DPYSL3: variants seen among roughly 807,000 people sequenced by gnomAD.
DPYSL3 encodes dihydropyrimidinase like 3.
Under a neutral mutation model 66.1 loss-of-function variants are expected in DPYSL3, and 16 were observed. The observed-to-expected ratio is 0.24, with a 90% CI of 0.16 to 0.37. DPYSL3 has a LOEUF of 0.37. Among genes scored for constraint, DPYSL3 ranks in the 10% least tolerant of loss-of-function variants. The pLI is 1.00. For missense variants in DPYSL3, 738 were observed against 916.2 expected (o/e 0.81, Z 2.51); for synonymous variants, 338 against 345.1 (o/e 0.98, Z 0.23).
chr5:147,427,560 G>A (rs1752220144), intron 1 of DPYSL3, among the ~76,000 whole-genome samples: 1 of 152,136 alleles, frequency 6.6e-6, no homozygotes, highest in Non-Finnish European at 1.5e-5. Flanking sequence ...ATTATATGAG[G>A]CAGTCCTAGG....
At chr5:147,410,989 G>A (rs1280529621) in intron 6 of DPYSL3, among the ~76,000 whole-genome samples, 1 of 152,166 alleles carries the variant, frequency 6.6e-6, no homozygotes, top group Non-Finnish European at 1.5e-5. Flanking sequence ...AATAAACTGA[G>A]AACGCAGACT....
intron 11 of DPYSL3, 90 bp downstream of exon 11, chr5:147,398,992 C>A: frequency 6.6e-7 from 1 of 1,518,672 alleles, no homozygotes; most frequent in South Asian, 1.3e-5. Flanking sequence ...AGTCTAACTA[C>A]CCTGGCACAC....
intron 1 of DPYSL3, among the ~76,000 whole-genome samples, chr5:147,471,003 G>C (rs1272730285): frequency 6.6e-6 from 1 of 152,084 alleles, no homozygotes; most frequent in Non-Finnish European, 1.5e-5. Context: ...TGTATCCCCA[G>C]TGCCCAACAT....
chr5:147,426,118 G>C (rs1752193205), intron 1 of DPYSL3, among the ~76,000 whole-genome samples: 1 of 152,020 alleles, frequency 6.6e-6, no homozygotes, highest in Non-Finnish European at 1.5e-5. Flanking sequence ...GAGAAATAAA[G>C]TAAACAAAAC....
intron 1 of DPYSL3, among the ~76,000 whole-genome samples, chr5:147,434,283 C>T (rs1453028110): frequency 6.6e-6 from 1 of 152,130 alleles, no homozygotes; most frequent in Non-Finnish European, 1.5e-5. Context: ...TAATTCATGT[C>T]CCTCTTTGGT....
At chr5:147,394,449 C>T (rs955335994) in intron 13 of DPYSL3, among the ~76,000 whole-genome samples, 4 of 152,186 alleles carry the variant, frequency 2.6e-5, no homozygotes, top group Non-Finnish European at 5.9e-5. Flanking sequence ...TAACCATTAT[C>T]TCCTTTAATC....
chr5:147,503,282 G>T (rs1753640934), intron 1 of DPYSL3, among the ~76,000 whole-genome samples: 1 of 152,040 alleles, frequency 6.6e-6, no homozygotes, highest in African/African-American at 2.4e-5. Flanking sequence ...TTTTAGTTTA[G>T]ATTTTTTATT....
Position 147,503,635 on chromosome 5 carries a change from A to G in DPYSL3, c.381+5843T>C, listed in dbSNP as rs541000829. Among the ~76,000 whole-genome samples the G allele has an allele frequency of 5.9e-5, 9 of 152,364 alleles. No homozygotes were observed. The South Asian group carries it at 1.9e-3, about 32-fold the overall frequency. ...TGATATTTCCATATGTAATTTATAT[A>G]TATGCACATATGTGTAAACATATAT... On this transcript the variant is annotated intron_variant, in intron 1 of 13. Coordinates refer to ENST00000343218, the MANE Select transcript of DPYSL3 (RefSeq NM_001197294.2).
chr5:147,411,516 C>T lies in DPYSL3; in HGVS notation c.963+1092G>A, dbSNP rs560042886. ...TTTGCTGTGATCCTTGGGCCAGTGA[C>T]GTAATCTTTCTGAGCCTGGATGGTC... On this transcript the variant is annotated intron_variant, in intron 6 of 13. Coordinates refer to ENST00000343218, the MANE Select transcript of DPYSL3 (RefSeq NM_001197294.2). Among the ~76,000 whole-genome samples, 7 of 152,264 alleles carry T rather than the reference C, an allele frequency of 4.6e-5. No individual in the cohort carries two copies. The East Asian group carries it at 5.8e-4, about 13-fold the overall frequency.
intron 1 of DPYSL3, among the ~76,000 whole-genome samples, chr5:147,461,763 C>T (rs1307433369): frequency 1.3e-5 from 2 of 152,124 alleles, no homozygotes; most frequent in Non-Finnish European, 2.9e-5. Flanking sequence ...GTTTGGCTTA[C>T]ATTTGGCCTT....
At chr5:147,427,102 A>G (rs1356767346) in intron 1 of DPYSL3, among the ~76,000 whole-genome samples, 1 of 152,148 alleles carries the variant, frequency 6.6e-6, no homozygotes, top group East Asian at 1.9e-4. Flanking sequence ...CATTTACAAA[A>G]ATGTTCTCTC....
At chr5:147,409,155 C>T (rs917300990) in intron 6 of DPYSL3, among the ~76,000 whole-genome samples, 4 of 152,116 alleles carry the variant, frequency 2.6e-5, no homozygotes, top group Non-Finnish European at 5.9e-5. Flanking sequence ...CTCTTTAAGC[C>T]ATTTCACTCA....
intron 1 of DPYSL3, among the ~76,000 whole-genome samples, chr5:147,485,545 G>T (rs1753316314): frequency 6.6e-6 from 1 of 152,004 alleles, no homozygotes; most frequent in Admixed American, 6.6e-5. Context: ...CTATTAAAAT[G>T]CATAGAGTGA....
At chr5:147,435,465 A>G (rs567675784) in intron 1 of DPYSL3, among the ~76,000 whole-genome samples, 2 of 152,298 alleles carry the variant, frequency 1.3e-5, no homozygotes, top group East Asian at 3.9e-4. Flanking sequence ...GGGAGAACCA[A>G]TGGTATCGAT....
Position 147,391,806 on chromosome 5 carries a change from T to C in DPYSL3, c.*2229A>G, listed in dbSNP as rs1007343752. ...CTCATGTTGTTCCTCCCAAGGGCAT[T>C]TGGGGGTTGTTCCCAGAGCAAGGAA... is the stretch of plus-strand genomic sequence containing the variant. On this transcript the variant is annotated 3_prime_UTR_variant, in exon 14 of 14. Transcript: ENST00000343218. 6.6e-6 allele frequency: 1 copy of C among 152,178 alleles called. No homozygotes were observed. Among genetic ancestry groups the C allele is most frequent in the African/African-American group, 2.4e-5 (1 of 41,438 alleles). The allele number at this position is 152,178 out of a possible 1,614,324, so 9.4% of individuals were successfully genotyped here.
chr5:147,424,084 T>TA (rs907060085), intron 2 of DPYSL3, among the ~76,000 whole-genome samples: 4 of 152,204 alleles, frequency 2.6e-5, no homozygotes, highest in South Asian at 2.1e-4. Context: ...TGGGGGCTGG[T>TA]AAAAAAAGTT....
chr5:147,426,372 A>G (rs190563143), intron 1 of DPYSL3, among the ~76,000 whole-genome samples: 278 of 152,246 alleles, frequency 1.8e-3, no homozygotes, highest in Middle Eastern at 0.017. Flanking sequence ...GTGGCATTAA[A>G]TCAGGTTGGG....
At chr5:147,396,358 A>G (rs955443098) in intron 12 of DPYSL3, among the ~76,000 whole-genome samples, 14 of 152,200 alleles carry the variant, frequency 9.2e-5, no homozygotes, top group African/African-American at 3.4e-4. Flanking sequence ...GCCAGGCACT[A>G]GGGCCTTTGG....
At chr5:147,497,777 A>G (rs1031637156) in intron 1 of DPYSL3, among the ~76,000 whole-genome samples, 2 of 152,176 alleles carry the variant, frequency 1.3e-5, no homozygotes, top group African/African-American at 2.4e-5. Flanking sequence ...ATACGCTCAA[A>G]AAAACCTACA....
Sources: allele counts gnomAD v4.1 joint callset (sites outside exome capture counted in the v4.1 genomes callset), GRCh38; gene constraint gnomAD v4.1.1; transcripts MANE v1.5; gene names NCBI Gene and HGNC (gene_info 2026-07-23, HGNC 2026-07-21).